ZBTB7C: variants seen among roughly 807,000 people sequenced by gnomAD.
ZBTB7C encodes the protein zinc finger and BTB domain containing 7C, also known as zinc finger and BTB domain-containing protein 7C.
Under a neutral mutation model 25.7 loss-of-function variants are expected in ZBTB7C, and 8 were observed. The observed-to-expected ratio is 0.31, with a 90% confidence interval of 0.18 to 0.56. ZBTB7C has a LOEUF of 0.56. Ranked by LOEUF, ZBTB7C falls within the 20% of genes least tolerant of loss-of-function variation. The pLI is 0.91. For missense variants in ZBTB7C, 824 were observed against 855.2 expected (o/e 0.96, Z 0.46); for synonymous variants, 394 against 369.0 (o/e 1.07, Z -0.78).
intron 2 of ZBTB7C, among the ~76,000 whole-genome samples, chr18:48,305,718 A>G (rs1353200211): frequency 6.6e-6 from 1 of 152,160 alleles, no homozygotes; most frequent in African/African-American, 2.4e-5. Context: ...ACCTGTGGCT[A>G]AATACTTCAC....
chr18:48,312,309 C>A (rs965181564), intron 2 of ZBTB7C, among the ~76,000 whole-genome samples: 3 of 152,192 alleles, frequency 2.0e-5, no homozygotes, highest in African/African-American at 7.2e-5. Context: ...TCAGCCCTAC[C>A]TACCCCGAAC....
At chr18:48,152,896 C>T (rs1160866049) in intron 3 of ZBTB7C, among the ~76,000 whole-genome samples, 1 of 152,244 alleles carries the variant, frequency 6.6e-6, no homozygotes, top group East Asian at 1.9e-4. Flanking sequence ...AGCACTATAA[C>T]TTCCATTTCA....
At chr18:48,120,465 A>G (rs1399973959) in intron 3 of ZBTB7C, among the ~76,000 whole-genome samples, 1 of 152,166 alleles carries the variant, frequency 6.6e-6, no homozygotes, top group Non-Finnish European at 1.5e-5. Flanking sequence ...ATCTCTACCA[A>G]CAATACAAAA....
rs948857105 is a variant in ZBTB7C, at chr18:48,274,754, C to T, written c.-79+63420G>A. ...TCTCCTGTCAGCGCATGGTCCAGGC[C>T]ACTGTCCCTCTCCCACAGTCATTGA... On this transcript the variant is annotated intron_variant, in intron 2 of 4. Transcript: ENST00000590800. Among the ~76,000 whole-genome samples, 24 of 152,220 alleles carry T rather than the reference C, an allele frequency of 1.6e-4. 1 individual carries two copies. Among genetic ancestry groups the T allele is most frequent in the African/African-American group, 5.5e-4 (23 of 41,458 alleles).
At position 48,036,105 on chromosome 18, in the gene ZBTB7C, C is replaced by A. The variant is rs548709027; in HGVS notation, c.1208+3795G>T. ...AATAGTTTGGTTGATGCCGTTGAGG[C>A]CCTGCCTAGGGAGATTTCATATTTG... On this transcript the variant is annotated intron_variant, in intron 4 of 4. Transcript: ENST00000590800. Among the ~76,000 whole-genome samples, 132 of 152,376 alleles carry A rather than the reference C, an allele frequency of 8.7e-4. No individual in the cohort carries two copies. The South Asian group carries it at 0.011, about 12-fold the overall frequency.
chr18:48,027,244 G>GA lies in ZBTB7C; in HGVS notation c.*2015dup, dbSNP rs1435907096. 5.3e-5 allele frequency: 8 copies of GA among 150,834 alleles called. No individual in the cohort carries two copies. In the East Asian group the frequency reaches 7.8e-4, roughly 15 times the overall value. The allele number at this position is 150,834 out of a possible 1,614,324, so 9.3% of individuals were successfully genotyped here. A position where few individuals can be genotyped will look rare whatever the true frequency, so the allele number is the denominator to read the frequency against. Reference sequence around the variant, plus strand: ...ATGTACAATTCCAAACTGCAGCCAAGAAAAAACAGAAAGAACTAACCAGTC... The same window carrying GA: ...ATGTACAATTCCAAACTGCAGCCAAGAAAAAAACAGAAAGAACTAACCAGTC... On this transcript the variant is annotated 3_prime_UTR_variant, in exon 5 of 5. Transcript: ENST00000590800.
In ZBTB7C at chr18:48,273,690, T is replaced by C. The variant is rs547515463; in HGVS notation, c.-79+64484A>G. Among the ~76,000 whole-genome samples, 6 of 152,222 alleles carry C rather than the reference T, an allele frequency of 3.9e-5. No homozygotes were observed. The South Asian group carries it at 6.2e-4, about 16-fold the overall frequency. On this transcript the variant is annotated intron_variant, in intron 2 of 4. Coordinates refer to ENST00000590800, the MANE Select transcript of ZBTB7C (RefSeq NM_001318841.2). ...ATAAAATAAGGTAGAAACGTTAAGA[T>C]TGATTAATTATGGCTCATGGTATAT...
At chr18:48,115,117 TTATCTC>T (rs772169763) in intron 3 of ZBTB7C, among the ~76,000 whole-genome samples, 39 of 152,346 alleles carry the variant, frequency 2.6e-4, no homozygotes, top group African/African-American at 6.0e-4. Context: ...CTAACCTACT[TTATCTC>T]TATGAATTTG....
At chr18:48,228,747 T>TCACACACACA (rs55895960) in intron 2 of ZBTB7C, among the ~76,000 whole-genome samples, 42 of 141,066 alleles carry the variant, frequency 3.0e-4, no homozygotes, top group Admixed American at 1.1e-3. Context: ...TCTCTCTCTC[T>TCACACACACA]CACACACACA....
intron 3 of ZBTB7C, among the ~76,000 whole-genome samples, chr18:48,124,623 T>C (rs981510237): frequency 1.3e-5 from 2 of 152,052 alleles, no homozygotes; most frequent in Non-Finnish European, 2.9e-5. Flanking sequence ...TCCAGCACCA[T>C]GGGATTAAGG....
intron 2 of ZBTB7C, among the ~76,000 whole-genome samples, chr18:48,266,834 G>A (rs1319607142): frequency 6.6e-6 from 1 of 151,088 alleles, no homozygotes; most frequent in African/African-American, 2.4e-5. Context: ...TTAGTTTTAT[G>A]TGTAGGTAGG....
In ZBTB7C at chr18:48,103,112, T is replaced by TTATCTATCTATCTATCTATCTATC. The variant is rs61043835; in HGVS notation, c.-16-62013_-16-61990dup. Among the ~76,000 whole-genome samples the TTATCTATCTATCTATCTATCTATC allele has an allele frequency of 2.7e-4, 36 of 130,962 alleles. 1 individual carries two copies. The highest frequency in any genetic ancestry group is 1.3e-3 in the South Asian group (5 of 3,960). 85.9% of individuals were successfully genotyped at this position (130,962 alleles called of 152,430 possible). A position where few individuals can be genotyped will look rare whatever the true frequency, so the allele number is the denominator to read the frequency against. ...TCTTATATATATTATATATTTTATATTATCTATCTATCTATCTATCTATCT... is the reference window on the plus strand; with the variant it reads ...TCTTATATATATTATATATTTTATATTATCTATCTATCTATCTATCTATCTATCTATCTATCTATCTATCTATCT... On this transcript the variant is annotated intron_variant, in intron 3 of 4. Coordinates refer to ENST00000590800, the MANE Select transcript of ZBTB7C (RefSeq NM_001318841.2).
At chr18:48,160,758 G>C (rs1222195225) in intron 3 of ZBTB7C, among the ~76,000 whole-genome samples, 1 of 152,094 alleles carries the variant, frequency 6.6e-6, no homozygotes, top group Admixed American at 6.5e-5. Flanking sequence ...GGATGAGTGA[G>C]AAGTTGAACT....
intron 2 of ZBTB7C, among the ~76,000 whole-genome samples, chr18:48,304,143 T>G (rs1159649015): frequency 6.6e-6 from 1 of 152,176 alleles, no homozygotes; most frequent in Non-Finnish European, 1.5e-5. Context: ...GGCCTCTCTA[T>G]GTGCAGGGGC....
intron 2 of ZBTB7C, among the ~76,000 whole-genome samples, chr18:48,311,936 T>C (rs1210887954): frequency 6.6e-6 from 1 of 152,216 alleles, no homozygotes; most frequent in East Asian, 1.9e-4. Context: ...TCTCTGTACT[T>C]CTGCTATTCT....
At position 48,204,098 on chromosome 18, in the gene ZBTB7C, C is replaced by A. The variant is rs140068831; in HGVS notation, c.-78-18103G>T. Among the ~76,000 whole-genome samples, 4 of 152,356 alleles carry A rather than the reference C, an allele frequency of 2.6e-5. No homozygotes were observed. The South Asian group carries it at 6.2e-4, about 24-fold the overall frequency. ...GCCCTCACCCCTTCTCTCTGCAGTG[C>A]CTCCCTCCTTTTTGCATTCCTTCCA... On this transcript the variant is annotated intron_variant, in intron 2 of 4. Coordinates refer to ENST00000590800, the MANE Select transcript of ZBTB7C (RefSeq NM_001318841.2).
chr18:48,218,881 A>G (rs1033979891), intron 2 of ZBTB7C, among the ~76,000 whole-genome samples: 2 of 152,136 alleles, frequency 1.3e-5, no homozygotes, highest in African/African-American at 2.4e-5. Flanking sequence ...GCCGGGGCCA[A>G]GAGTGAAGGT....
intron 3 of ZBTB7C, among the ~76,000 whole-genome samples, chr18:48,161,964 G>T (rs1174004400): frequency 3.4e-5 from 5 of 145,266 alleles, no homozygotes; most frequent in Non-Finnish European, 3.1e-5. Flanking sequence ...GCCCGGCGCG[G>T]CACCGCCCCT....
intron 3 of ZBTB7C, among the ~76,000 whole-genome samples, chr18:48,121,459 C>T (rs998029714): frequency 3.3e-5 from 5 of 151,622 alleles, no homozygotes; most frequent in African/African-American, 4.9e-5. Flanking sequence ...CAAATTTAAG[C>T]GATGTACACA....
Sources: gnomAD v4.1 joint callset for allele counts (sites outside exome capture counted in the v4.1 genomes callset) on GRCh38, gnomAD v4.1.1 for gene constraint, MANE v1.5 for transcripts, NCBI Gene and HGNC (gene_info 2026-07-23, HGNC 2026-07-21) for gene names.